Variants in OFD1 observed in about 807,000 individuals in gnomAD.
OFD1 encodes centriole and centriolar satellite protein OFD1.
In OFD1, 12 loss-of-function variants were observed where a neutral mutation model predicts 81.4. The ratio of observed to expected loss-of-function variants is 0.15; its 90% CI spans 0.09 to 0.24. The LOEUF (loss-of-function observed/expected upper bound fraction) is 0.24, where lower values mean the gene tolerates loss of function less well. Among genes scored for constraint, OFD1 ranks in the 10% least tolerant of loss-of-function variants. OFD1 has a pLI of 1.00. For missense variants in OFD1, 685 were observed against 733.9 expected (o/e 0.93, Z 0.77); for synonymous variants, 256 against 263.7 (o/e 0.97, Z 0.28).
chrX:13,717,048 A>C, the OFD1 span, among the ~76,000 whole-genome samples: 4 of 104,049 alleles, frequency 3.8e-5, no homozygotes, highest in East Asian at 3.0e-4. Context: ...AAAAAAAAAA[A>C]AAAAAAAAAA....
At chrX:13,727,117 G>C in the OFD1 span, among the ~76,000 whole-genome samples, 28 of 111,862 alleles carry the variant, frequency 2.5e-4, no homozygotes, top group East Asian at 1.1e-3. Context: ...CAAGTCCTTA[G>C]AGACCTACAA....
chrX:13,735,768 A>T (rs2146908121), intron 2 of OFD1, among the ~76,000 whole-genome samples: 1 of 112,250 alleles, frequency 8.9e-6, no homozygotes, highest in African/African-American at 3.2e-5. Flanking sequence ...GAAATGAAAA[A>T]TTTTATCTTT....
chrX:13,741,468 CAG>C (rs200573700), intron 5 of OFD1, among the ~76,000 whole-genome samples: 1,769 of 112,308 alleles, frequency 0.016, 17 homozygotes, highest in Middle Eastern at 0.032. Context: ...TATCTATGCT[CAG>C]GGGGTGCTAA....
Position 13,735,075 on chromosome X carries a change from A to G in OFD1, c.4A>G (p.Met2Val), listed in dbSNP as rs2046800711. 2 of 1,198,113 alleles carry G rather than the reference A, an allele frequency of 1.7e-6. No homozygotes were observed. Among genetic ancestry groups the G allele is most frequent in the Non-Finnish European group, 2.2e-6 (2 of 891,400 alleles). Reference sequence around the variant, plus strand: ...CTCCGGAGGGAGCTGACGCCTGATGATGGCGCAGGTAGACACACCTGCCCC... The same window carrying G: ...CTCCGGAGGGAGCTGACGCCTGATGGTGGCGCAGGTAGACACACCTGCCCC... MMAQSNMFTVAD... is the reference protein window; with the variant it reads MVAQSNMFTVAD... Residue 2 changes from methionine to valine, a missense_variant, in exon 1 of 23, where the codon ATG becomes GTG. Physicochemically the swap from Met to Val is conservative, Grantham distance 21. Coordinates refer to ENST00000340096, the MANE Select transcript of OFD1 (RefSeq NM_003611.3).
intron 3 of OFD1, 77 bp downstream of exon 3, chrX:13,736,755 T>G: frequency 1.3e-6 from 1 of 745,829 alleles, no homozygotes; most frequent in Non-Finnish European, 2.1e-6. Flanking sequence ...TGCTGTATGA[T>G]AGCTAAGTGC....
chrX:13,758,368 T>C lies in OFD1; in HGVS notation c.1574T>C (p.Ile525Thr). The C allele has an allele frequency of 8.3e-7, 1 of 1,207,277 alleles. No individual in the cohort carries two copies. The highest frequency in any genetic ancestry group is 1.1e-6 in the Non-Finnish European group (1 of 891,691). The stretch of plus-strand genomic sequence containing the variant: ...CATTCTGCACAGCTGAAGGCCCAGA[T>C]TCTAGGTTACAAAGCTTCTGTAAAG... ...IEHSAQLKAQ[I>T]LGYKASVKSL... The change falls in exon 15 of 23, where the codon ATT (isoleucine) becomes ACT (threonine). Residue 525 changes from isoleucine (I) to threonine (T), a missense_variant. Coordinates refer to ENST00000340096, the MANE Select transcript of OFD1 (RefSeq NM_003611.3).
chrX:13,761,316 T>C, intron 17 of OFD1, 105 bp downstream of exon 17: 2 of 852,987 alleles, frequency 2.3e-6, no homozygotes, highest in Non-Finnish European at 3.4e-6. Flanking sequence ...ATAATTATTA[T>C]AGATCATGTG....
downstream of OFD1, chrX:13,773,189 G>GCT: frequency 2.5e-6 from 1 of 400,286 alleles, no homozygotes; most frequent in Non-Finnish European, 4.2e-6. Context: ...CTGAAAGCAT[G>GCT]CTCTACTAGT....
At chrX:13,755,309 A>T (rs1028385241) in intron 12 of OFD1, 67 bp downstream of exon 12, 1 of 762,667 alleles carries the variant, frequency 1.3e-6, no homozygotes, top group Non-Finnish European at 2.0e-6. Context: ...AGTCATACAT[A>T]ATTTATCCTA....
At position 13,760,659 on chromosome X, in the gene OFD1, C is replaced by T; in HGVS notation, c.2199C>T (p.Arg733=). The change falls in exon 16 of 23, where the codon CGC becomes CGT. Residue 733 remains arginine (R), a synonymous_variant. Coordinates refer to ENST00000340096, the MANE Select transcript of OFD1 (RefSeq NM_003611.3). ...TCCGCGGGGGCACTTCCTCCAGACGCCTCTCTTCCACACCCCTTCCAAAAG... is the reference window on the plus strand; with the variant it reads ...TCCGCGGGGGCACTTCCTCCAGACGTCTCTCTTCCACACCCCTTCCAAAAG... The part of the protein sequence containing the change: ...SRLRGGTSSR[R]LSSTPLPKAK... 4.1e-6 allele frequency: 5 copies of T among 1,211,377 alleles called. No individual in the cohort carries two copies. Among genetic ancestry groups the T allele is most frequent in the Non-Finnish European group, 5.6e-6 (5 of 895,163 alleles).
chrX:13,751,847 CAA>C (rs777905522), intron 10 of OFD1, among the ~76,000 whole-genome samples: 12 of 111,913 alleles, frequency 1.1e-4, no homozygotes, highest in South Asian at 7.5e-4. Context: ...AAATTAACAA[CAA>C]TAAAAAAATA....
chrX:13,729,800 C>G (rs902940346), upstream of OFD1, among the ~76,000 whole-genome samples: 2 of 111,296 alleles, frequency 1.8e-5, no homozygotes, highest in Non-Finnish European at 3.8e-5. Context: ...CCCTGCTACT[C>G]GGGAGGCAGA....
chrX:13,738,447 G>T (rs1462361675), intron 3 of OFD1, among the ~76,000 whole-genome samples: 1 of 112,231 alleles, frequency 8.9e-6, no homozygotes, highest in African/African-American at 3.2e-5. Flanking sequence ...TTTAATTACG[G>T]TTTTAAGGAC....
chrX:13,764,499 C>T lies in OFD1; in HGVS notation c.2599+644C>T, dbSNP rs910251497. On this transcript the variant is annotated intron_variant, in intron 19 of 22. Coordinates refer to ENST00000340096, the MANE Select transcript of OFD1 (RefSeq NM_003611.3). ...TTCCCTCCCTGCGGGTGGAGGGAGA[C>T]GGGAAGAGAGCCGTGGGAGCTTTGT... Among the ~76,000 whole-genome samples, 6 of 111,540 alleles carry T rather than the reference C, an allele frequency of 5.4e-5. No homozygotes were observed. In the East Asian group the frequency reaches 8.4e-4, roughly 16 times the overall value.
At chrX:13,755,789 G>C (rs2047678226) in intron 12 of OFD1, among the ~76,000 whole-genome samples, 1 of 111,012 alleles carries the variant, frequency 9.0e-6, no homozygotes, top group Admixed American at 9.6e-5. Flanking sequence ...GATGAAGCTG[G>C]AACTTTAGGT....
chrX:13,717,033 T>C, the OFD1 span, among the ~76,000 whole-genome samples: 1 of 46,202 alleles, frequency 2.2e-5, no homozygotes, highest in Non-Finnish European at 3.9e-5. Context: ...GGATACTATG[T>C]TAAAAAAAAA....
rs1002034318 is a variant in OFD1, at chrX:13,734,876, G to A, written c.-196G>A. On this transcript the variant is annotated 5_prime_UTR_variant, in exon 1 of 23. In the 5' UTR this introduces an upstream ATG that the reference lacks. Transcript: ENST00000340096. ...AGAACCGCGAAGAAAGGAAGCTCGCGTGTTTGCTAGAAAACCTAGTTGGGA... is the reference window on the plus strand; with the variant it reads ...AGAACCGCGAAGAAAGGAAGCTCGCATGTTTGCTAGAAAACCTAGTTGGGA... 3 of 1,084,134 alleles carry A rather than the reference G, an allele frequency of 2.8e-6. No homozygotes were observed. Among genetic ancestry groups the A allele is most frequent in the Admixed American group, 3.8e-5 (1 of 26,032 alleles). 89.3% of individuals were successfully genotyped at this position (1,084,134 alleles called of 1,213,427 possible). A position where few individuals can be genotyped will look rare whatever the true frequency, so the allele number is the denominator to read the frequency against.
the OFD1 span, among the ~76,000 whole-genome samples, chrX:13,729,131 A>C: frequency 8.9e-6 from 1 of 112,137 alleles, no homozygotes; most frequent in South Asian, 3.7e-4. Context: ...TTCCATGCTC[A>C]TGGATAGGAA....
chrX:13,758,221 GCTT>G (rs1247225898), intron 14 of OFD1, 113 bp from the exon 15 acceptor site: 2 of 518,343 alleles, frequency 3.9e-6, no homozygotes, highest in Non-Finnish European at 6.6e-6. Context: ...CTGTCATAAA[GCTT>G]CTTGGAATTG....
Sources: gnomAD v4.1 joint callset for allele counts (sites outside exome capture counted in the v4.1 genomes callset) on GRCh38, gnomAD v4.1.1 for gene constraint, MANE v1.5 for transcripts, NCBI Gene and HGNC (gene_info 2026-07-23, HGNC 2026-07-21) for gene names.